The following NCOR2 variants were observed in gnomAD, a reference collection of about 807,000 sequenced individuals.
NCOR2 encodes nuclear receptor corepressor 2.
A neutral mutation model predicts 262.9 loss-of-function variants in NCOR2; 81 were observed. The observed-to-expected ratio is 0.31, with a 90% CI of 0.26 to 0.37. NCOR2 has a LOEUF of 0.37. Among genes scored for constraint, NCOR2 ranks in the 10% least tolerant of loss-of-function variants. The pLI is 1.00. For synonymous variants in NCOR2, 1,659 were observed against 1,559.3 expected (o/e 1.06, Z -1.51); for missense variants, 3,385 against 3,621.4 (o/e 0.93, Z 1.68).
rs998070492 is a variant in NCOR2 at position 124,503,718 on chromosome 12, G to A, written c.-117-8350C>T. On this transcript the variant is annotated intron_variant, in intron 1 of 46. Transcript: ENST00000404621. This position sits in a 1 kb window ranked among gnomAD's most constrained non-coding sequence, Gnocchi z 4.3. ...TGGATGGATGGATGGATGGACAGAC[G>A]AATGGATGGATGGATGGACGGATGG... is the stretch of plus-strand genomic sequence containing the variant. Among the ~76,000 whole-genome samples, 1 of 146,648 alleles carries A rather than the reference G, an allele frequency of 6.8e-6. No individual in the cohort carries two copies. The highest frequency in any genetic ancestry group is 3.5e-3 in the Middle Eastern group (1 of 282).
intron 1 of NCOR2, among the ~76,000 whole-genome samples, chr12:124,535,247 G>T (rs2051065552): frequency 6.6e-6 from 1 of 152,212 alleles, no homozygotes; most frequent in South Asian, 2.1e-4. Flanking sequence ...ATGTGACCAA[G>T]AACCCCGGAG....
intron 27 of NCOR2, among the ~76,000 whole-genome samples, chr12:124,351,032 T>G (rs1433889367): frequency 6.6e-6 from 1 of 152,196 alleles, no homozygotes; most frequent in African/African-American, 2.4e-5. Flanking sequence ...TGATTATGCC[T>G]GTTTCAGATG....
chr12:124,437,364 G>A lies in NCOR2; in HGVS notation c.882+566C>T, dbSNP rs1010809096. On this transcript the variant is annotated intron_variant, in intron 8 of 46. Coordinates refer to ENST00000405201, the Ensembl canonical transcript of NCOR2. ...CTCTGGCAGACCCAGCCTCCCCGCC[G>A]TGGGCTGAGATCCACAGCCTACAGT... Among the ~76,000 whole-genome samples the A allele has an allele frequency of 1.4e-4, 21 of 152,304 alleles. 1 individual carries two copies. The highest frequency in any genetic ancestry group is 8.5e-4 in the Admixed American group (13 of 15,296).
chr12:124,327,101 G>A (rs574049086), intron 45 of NCOR2, among the ~76,000 whole-genome samples: 5 of 152,290 alleles, frequency 3.3e-5, no homozygotes, highest in East Asian at 3.9e-4. Context: ...CCAAGAAGCC[G>A]GGTCCCCGCA....
At chr12:124,364,331 C>G (rs889173240) in intron 20 of NCOR2, among the ~76,000 whole-genome samples, 2 of 152,218 alleles carry the variant, frequency 1.3e-5, no homozygotes, top group Non-Finnish European at 2.9e-5. Context: ...CAGGGCAAGA[C>G]AGTGGGCATG....
chr12:124,491,222 G>T (rs2048066837), intron 1 of NCOR2, among the ~76,000 whole-genome samples: 1 of 152,244 alleles, frequency 6.6e-6, no homozygotes, highest in South Asian at 2.1e-4. Flanking sequence ...CTTGGGGCAA[G>T]ACAGAAAAAG....
intron 20 of NCOR2, among the ~76,000 whole-genome samples, chr12:124,368,996 G>A (rs2039262322): frequency 6.6e-6 from 1 of 152,242 alleles, no homozygotes; most frequent in East Asian, 1.9e-4. Flanking sequence ...CCCCCTCTTG[G>A]GGTGACCTCT....
chr12:124,412,245 G>A (rs2042624735), intron 13 of NCOR2, among the ~76,000 whole-genome samples: 1 of 152,200 alleles, frequency 6.6e-6, no homozygotes, highest in Non-Finnish European at 1.5e-5. Flanking sequence ...CGTAACCATC[G>A]AAATGACACA....
chr12:124,332,160 A>G (rs1298689436), intron 43 of NCOR2, 159 bp downstream of exon 45: 3 of 867,852 alleles, frequency 3.5e-6, no homozygotes, highest in Non-Finnish European at 5.2e-6. Flanking sequence ...GGGGCTCCCC[A>G]AATGTGAGGC....
rs541428635 is a variant in NCOR2, at chr12:124,454,318, A to G, written c.762+2788T>C. 6.6e-6 allele frequency among the ~76,000 whole-genome samples: 1 copy of G among 152,254 alleles called. No individual in the cohort carries two copies. Among genetic ancestry groups the G allele is most frequent in the African/African-American group, 2.4e-5 (1 of 41,544 alleles). On this transcript the variant is annotated intron_variant, in intron 6 of 46. Coordinates refer to ENST00000405201, the Ensembl canonical transcript of NCOR2. The surrounding 1 kb of genome is among the most constrained non-coding windows in gnomAD (Gnocchi z 5.6). ...AAGCCAGGGGCCTTCAAGAGTCCAAACACTAGATCTTAGCCTCCTGTGCCA... is the reference window on the plus strand; with the variant it reads ...AAGCCAGGGGCCTTCAAGAGTCCAAGCACTAGATCTTAGCCTCCTGTGCCA...
At chr12:124,381,957 C>T (rs542609120) in intron 17 of NCOR2, among the ~76,000 whole-genome samples, 2 of 152,368 alleles carry the variant, frequency 1.3e-5, no homozygotes, top group East Asian at 1.9e-4. Context: ...CTGCTTCCTG[C>T]TGACGTCGCC....
chr12:124,554,917 T>C (rs2051835240), intron 1 of NCOR2, among the ~76,000 whole-genome samples: 1 of 152,208 alleles, frequency 6.6e-6, no homozygotes, highest in African/African-American at 2.4e-5. Context: ...GGGAATGGGT[T>C]GGGTCAGGGC....
intron 11 of NCOR2, 39 bp downstream of exon 13, chr12:124,426,583 G>A (rs73225425): frequency 6.6e-7 from 1 of 1,526,212 alleles, no homozygotes; most frequent in Non-Finnish European, 8.9e-7. Context: ...GGATGGGGGT[G>A]GGGGGCCGGG....
chr12:124,326,154 C>T (rs987335136), intron 46 of NCOR2, 37 bp downstream of exon 48: 29 of 1,454,882 alleles, frequency 2.0e-5, no homozygotes, highest in African/African-American at 2.9e-5. Context: ...GTGTTGGGGG[C>T]TCAGCGAGCC....
rs547067742 is a variant in NCOR2, at chr12:124,333,934, G to A, written c.6605+490C>T. Among the ~76,000 whole-genome samples, 18 of 150,846 alleles carry A rather than the reference G, an allele frequency of 1.2e-4. No individual in the cohort carries two copies. The South Asian group carries it at 1.3e-3, about 11-fold the overall frequency. On this transcript the variant is annotated intron_variant, in intron 41 of 46. Coordinates refer to ENST00000405201, the Ensembl canonical transcript of NCOR2. ...TGCGGGTGTGCATGTGTGTGCGCGC[G>A]CATGTGTGTGGGTGTGCACGTGTGT... is the stretch of plus-strand genomic sequence containing the variant.
rs1427165108 is a variant in NCOR2 at position 124,389,354 on chromosome 12, G to A, written c.1877-3467C>T. ...TGACCTCCAGACGGAGGCTCGCGGC[G>A]GGCGGGCAGGCGGGCGGGGGAGCGT... On this transcript the variant is annotated intron_variant, in intron 16 of 46. Coordinates refer to ENST00000405201, the Ensembl canonical transcript of NCOR2. The surrounding 1 kb of genome is among the most constrained non-coding windows in gnomAD (Gnocchi z 4.4). 1.3e-5 allele frequency among the ~76,000 whole-genome samples: 2 copies of A among 152,130 alleles called. No individual in the cohort carries two copies. Among genetic ancestry groups the A allele is most frequent in the East Asian group, 3.9e-4 (2 of 5,176 alleles).
In NCOR2 at chr12:124,330,907, G is replaced by A. The variant is rs372140492; in HGVS notation, c.6905-9C>T. Reference sequence around the variant, plus strand: ...CCCAGGCTGGCTGATATCTGGAAGCGGGTGACAGAGTGGGTGAGGCCCCCA... The same window carrying A: ...CCCAGGCTGGCTGATATCTGGAAGCAGGTGACAGAGTGGGTGAGGCCCCCA... On this transcript the variant is annotated splice_polypyrimidine_tract_variant and intron_variant, in intron 43 of 46. Transcript: ENST00000405201. 105 of 1,576,714 alleles carry A rather than the reference G, an allele frequency of 6.7e-5. No individual in the cohort carries two copies. Among genetic ancestry groups the A allele is most frequent in the Middle Eastern group, 1.7e-4 (1 of 6,038 alleles).
At chr12:124,426,923 C>T (rs2043583030) in intron 10 of NCOR2, 123 bp from the exon 13 acceptor site, 6 of 850,826 alleles carry the variant, frequency 7.1e-6, no homozygotes, top group Non-Finnish European at 1.0e-5. Flanking sequence ...AACGCGAAAC[C>T]AAGGAGAAGG....
At chr12:124,429,399 C>T (rs933652411) in intron 10 of NCOR2, 10 of 572,112 alleles carry the variant, frequency 1.7e-5, no homozygotes, top group Non-Finnish European at 2.8e-5. Context: ...GGTCCTGCTA[C>T]CCTCCCTCTC....
Sources: gnomAD v4.1 joint callset for allele counts (sites outside exome capture counted in the v4.1 genomes callset) on GRCh38, gnomAD v4.1.1 for gene constraint, Gnocchi (gnomAD v3.1) non-coding constraint, MANE v1.5 for transcripts, NCBI Gene and HGNC (gene_info 2026-07-23, HGNC 2026-07-21) for gene names.